RBM46: variants seen among roughly 807,000 people sequenced by gnomAD.
RBM46 encodes probable RNA-binding protein 46.
In RBM46, 12 loss-of-function variants were observed where a neutral mutation model predicts 43.3. The ratio of observed to expected loss-of-function variants is 0.28; its 90% CI spans 0.18 to 0.45. RBM46 has a LOEUF of 0.45. Ranked by LOEUF, RBM46 falls within the 20% of genes least tolerant of loss-of-function variation. The pLI is 1.00. For missense variants in RBM46, 412 were observed against 639.1 expected, an observed-to-expected ratio of 0.64 and a Z score of 3.83; for synonymous variants, 205 against 207.6, an observed-to-expected ratio of 0.99 and a Z score of 0.11.
At chr4:154,792,272 A>G (rs997084270) in intron 1 of RBM46, among the ~76,000 whole-genome samples, 9 of 152,244 alleles carry the variant, frequency 5.9e-5, no homozygotes, top group Non-Finnish European at 1.2e-4. Flanking sequence ...GAGATAATGT[A>G]TATAAAGTGC....
chr4:154,789,250 T>C (rs1020809391), intron 1 of RBM46, among the ~76,000 whole-genome samples: 7 of 152,186 alleles, frequency 4.6e-5, no homozygotes, highest in Admixed American at 3.9e-4. Context: ...CCCTGTCTTG[T>C]GCCAGTTTTC....
chr4:154,786,346 CCCA>C (rs770787651), intron 1 of RBM46, among the ~76,000 whole-genome samples: 41 of 152,114 alleles, frequency 2.7e-4, no homozygotes, highest in Non-Finnish European at 5.3e-4. Flanking sequence ...GCCTCATTCT[CCCA>C]AAGTGCTGGG....
At chr4:154,808,595 A>T (rs912323976) in intron 4 of RBM46, among the ~76,000 whole-genome samples, 3 of 151,852 alleles carry the variant, frequency 2.0e-5, no homozygotes, top group Non-Finnish European at 4.4e-5. Flanking sequence ...CTGCCCAGTT[A>T]ATTTTTGGTC....
At chr4:154,790,005 G>T (rs1374687319) in intron 1 of RBM46, among the ~76,000 whole-genome samples, 2 of 152,142 alleles carry the variant, frequency 1.3e-5, no homozygotes, top group Admixed American at 1.3e-4. Context: ...GTATTTCTGT[G>T]AGATCGATGG....
At chr4:154,806,698 T>G (rs1438813490) in intron 4 of RBM46, among the ~76,000 whole-genome samples, 2 of 151,906 alleles carry the variant, frequency 1.3e-5, no homozygotes, top group African/African-American at 4.8e-5. Flanking sequence ...ACTGTTTTAT[T>G]TGCATAATGA....
At chr4:154,783,471 T>A (rs1733605267) in intron 1 of RBM46, among the ~76,000 whole-genome samples, 2 of 152,200 alleles carry the variant, frequency 1.3e-5, no homozygotes, top group African/African-American at 4.8e-5. Flanking sequence ...TTGTCCAGAT[T>A]TGCATATTAA....
intron 1 of RBM46, among the ~76,000 whole-genome samples, chr4:154,782,538 CA>C (rs1255928824): frequency 6.6e-6 from 1 of 152,158 alleles, no homozygotes; most frequent in African/African-American, 2.4e-5. Context: ...GGCGGGAGAG[CA>C]GTGGCAGGAT....
chr4:154,787,645 C>T (rs1317119238), intron 1 of RBM46, among the ~76,000 whole-genome samples: 9 of 152,126 alleles, frequency 5.9e-5, no homozygotes, highest in Non-Finnish European at 1.3e-4. Context: ...AGTAAACATA[C>T]ATGTGCATGT....
intron 4 of RBM46, chr4:154,826,880 T>C (rs1386668690): frequency 4.7e-6 from 7 of 1,484,258 alleles, no homozygotes; most frequent in Non-Finnish European, 6.2e-6. Flanking sequence ...GTAGGCATCA[T>C]TTATAGTACC....
chr4:154,805,440 G>C (rs990463892), intron 4 of RBM46, among the ~76,000 whole-genome samples: 1 of 151,922 alleles, frequency 6.6e-6, no homozygotes, highest in African/African-American at 2.4e-5. Flanking sequence ...TTGAAATGGC[G>C]TACATCAGTA....
At chr4:154,821,066 A>C (rs1038217986) in intron 4 of RBM46, among the ~76,000 whole-genome samples, 11 of 151,746 alleles carry the variant, frequency 7.2e-5, no homozygotes, top group African/African-American at 2.7e-4. Context: ...AGTACTTATA[A>C]GTCTGTTATG....
At chr4:154,803,627 C>T (rs190368731) in intron 4 of RBM46, among the ~76,000 whole-genome samples, 31 of 129,522 alleles carry the variant, frequency 2.4e-4, no homozygotes, top group African/African-American at 8.2e-4. Context: ...GGCGTGAACC[C>T]GGGGGGCGGA....
intron 4 of RBM46, among the ~76,000 whole-genome samples, chr4:154,804,367 A>G (rs548872382): frequency 6.6e-6 from 1 of 152,310 alleles, no homozygotes; most frequent in Admixed American, 6.5e-5. Context: ...CTGTTTAGTA[A>G]TAAAGCAAAC....
chr4:154,817,320 T>G (rs1352892691), intron 4 of RBM46, among the ~76,000 whole-genome samples: 1 of 138,808 alleles, frequency 7.2e-6, no homozygotes, highest in African/African-American at 2.8e-5. Context: ...ATACATTTGG[T>G]TTTTCTCTTT....
intron 4 of RBM46, among the ~76,000 whole-genome samples, chr4:154,808,965 T>C (rs1014056713): frequency 1.3e-5 from 2 of 151,922 alleles, no homozygotes; most frequent in Admixed American, 1.3e-4. Context: ...ATATGATTGC[T>C]TTCACTGTGA....
At chr4:154,790,790 A>T (rs1734048081) in intron 1 of RBM46, among the ~76,000 whole-genome samples, 1 of 152,196 alleles carries the variant, frequency 6.6e-6, no homozygotes, top group African/African-American at 2.4e-5. Flanking sequence ...TAGCCATTTC[A>T]TGGATGGGAC....
Position 154,809,115 on chromosome 4 carries a change from C to T in RBM46, c.1402+9551C>T, listed in dbSNP as rs113335036. Among the ~76,000 whole-genome samples, 560 of 152,030 alleles carry T rather than the reference C, an allele frequency of 3.7e-3. 5 individuals carry two copies. The highest frequency in any genetic ancestry group is 0.013 in the African/African-American group (537 of 41,514). ...TTGAAATACATATATGTATGTGTGACTCTTCTATTTCTCACTAATATACTA... is the reference window on the plus strand; with the variant it reads ...TTGAAATACATATATGTATGTGTGATTCTTCTATTTCTCACTAATATACTA... On this transcript the variant is annotated intron_variant, in intron 4 of 4. Transcript: ENST00000281722.
chr4:154,790,304 A>G (rs1734019038), intron 1 of RBM46: 1 of 152,154 alleles, frequency 6.6e-6, no homozygotes, highest in African/African-American at 2.4e-5. Flanking sequence ...TCTTGTGGGC[A>G]TTTAGTGCTA....
chr4:154,799,268 C>T lies in RBM46; in HGVS notation c.1106C>T (p.Thr369Ile). 6.2e-7 allele frequency: 1 copy of T among 1,614,196 alleles called. No homozygotes were observed. Residue 369 changes from threonine (T) to isoleucine (I), a missense_variant, in exon 4 of 5, where the codon ACT (threonine) becomes ATT (isoleucine). Around this residue, in one of 8 missense-constraint regions of RBM46, gnomAD observed 105 missense variants for 111.0 expected, o/e 0.95. Transcript: ENST00000281722. ...SPSPPEVERCTYPFYPGTKLT... is the reference protein window; with the variant it reads ...SPSPPEVERCIYPFYPGTKLT... The stretch of plus-strand genomic sequence containing the variant: ...AGTCCGCCTGAAGTTGAAAGATGCA[C>T]TTACCCTTTTTATCCTGGAACAAAG...
Sources: allele counts gnomAD v4.1 joint callset (sites outside exome capture counted in the v4.1 genomes callset), GRCh38; gene constraint gnomAD v4.1.1; regional missense constraint gnomAD v4.1.1; transcripts MANE v1.5; gene names NCBI Gene and HGNC (gene_info 2026-07-23, HGNC 2026-07-21).